DCHS2: variants seen among roughly 807,000 people sequenced by gnomAD.
The protein encoded by DCHS2 is dachsous cadherin-related 2, also known as protocadherin-23.
A neutral mutation model predicts 182.4 loss-of-function variants in DCHS2; 142 were observed. The observed-to-expected ratio is 0.78, with a 90% CI of 0.68 to 0.89. The LOEUF is 0.89. Among genes scored for constraint, DCHS2 ranks in the 40% least tolerant of loss-of-function variants. The pLI, the probability that DCHS2 is intolerant of heterozygous loss-of-function variation, is 0.00. For synonymous variants in DCHS2, 1,740 were observed against 1,663.3 expected (o/e 1.05, Z -1.12); for missense variants, 4,319 against 4,198.6 (o/e 1.03, Z -0.79).
At chr4:154,333,718 G>T in intron 4 of DCHS2, 3 of 559,674 alleles carry the variant, frequency 5.4e-6, no homozygotes, top group Non-Finnish European at 9.5e-6. Context: ...ACTGCCTACA[G>T]TATTAAGTGC....
At chr4:154,319,612 A>T (rs1385631634) in intron 9 of DCHS2, among the ~76,000 whole-genome samples, 2 of 151,452 alleles carry the variant, frequency 1.3e-5, no homozygotes, top group African/African-American at 4.8e-5. Context: ...TGCAAATCAA[A>T]ACCACAACGA....
At chr4:154,367,543 T>C (rs1322713281) in intron 2 of DCHS2, among the ~76,000 whole-genome samples, 1 of 152,160 alleles carries the variant, frequency 6.6e-6, no homozygotes, top group African/African-American at 2.4e-5. Context: ...GCAAATGAAA[T>C]AGAAGAAAAT....
chr4:154,389,903 G>A lies in DCHS2; in HGVS notation c.2053-12459C>T, dbSNP rs145154932. 7.8e-3 allele frequency among the ~76,000 whole-genome samples: 1,180 copies of A among 151,994 alleles called. 12 individuals carry two copies. Among genetic ancestry groups the A allele is most frequent in the Middle Eastern group, 0.017 (5 of 294 alleles). ...TCTACCAAACACCCTGTTTCAATAAGGCCTTGTCTGCCCTCACAGGTAAGA... is the reference window on the plus strand; with the variant it reads ...TCTACCAAACACCCTGTTTCAATAAAGCCTTGTCTGCCCTCACAGGTAAGA... On this transcript the variant is annotated intron_variant, in intron 1 of 19. Coordinates refer to ENST00000357232, the MANE Select transcript of DCHS2 (RefSeq NM_001358235.2).
chr4:154,388,563 C>T (rs537333498), intron 1 of DCHS2, among the ~76,000 whole-genome samples: 29 of 146,208 alleles, frequency 2.0e-4, no homozygotes, highest in African/African-American at 5.9e-4. Flanking sequence ...GGTGCGATCT[C>T]GGCTGACTGC....
chr4:154,292,526 CT>C (rs1233868299), intron 13 of DCHS2, among the ~76,000 whole-genome samples: 2 of 152,212 alleles, frequency 1.3e-5, no homozygotes, highest in African/African-American at 4.8e-5. Flanking sequence ...CTGCTGGTAT[CT>C]ATTCTTGGCC....
chr4:154,358,579 G>A (rs1168171059), intron 3 of DCHS2, among the ~76,000 whole-genome samples: 2 of 152,112 alleles, frequency 1.3e-5, no homozygotes, highest in Non-Finnish European at 2.9e-5. Context: ...GCAAATGTTA[G>A]GCATGGACAT....
intron 19 of DCHS2, 29 bp downstream of exon 19, chr4:154,239,141 G>T: frequency 6.3e-7 from 1 of 1,596,856 alleles, no homozygotes; most frequent in South Asian, 1.1e-5. Flanking sequence ...CCAAACCTAT[G>T]AGCATTAATG....
chr4:154,413,372 C>T (rs76144752), intron 1 of DCHS2, among the ~76,000 whole-genome samples: 3,122 of 152,264 alleles, frequency 0.021, 113 homozygotes, highest in African/African-American at 0.072. Context: ...ATATCCAGTT[C>T]TATATTGCTA....
At chr4:154,313,759 A>T (rs1735754668) in intron 10 of DCHS2, among the ~76,000 whole-genome samples, 1 of 152,234 alleles carries the variant, frequency 6.6e-6, no homozygotes, top group Non-Finnish European at 1.5e-5. Flanking sequence ...ATTTCCAGTA[A>T]ATCAAAATTG....
At chr4:154,413,820 A>G (rs1732722873) in intron 1 of DCHS2, among the ~76,000 whole-genome samples, 1 of 152,134 alleles carries the variant, frequency 6.6e-6, no homozygotes, top group Non-Finnish European at 1.5e-5. Flanking sequence ...ACTAACCCCA[A>G]AGCACTGCAT....
chr4:154,375,040 G>A (rs1730824180), intron 2 of DCHS2, among the ~76,000 whole-genome samples: 2 of 152,118 alleles, frequency 1.3e-5, no homozygotes, highest in South Asian at 4.1e-4. Context: ...CATGACCTAT[G>A]ATAAAGCTAA....
Position 154,231,828 on chromosome 4 carries a change from G to A in DCHS2, c.*2708C>T, listed in dbSNP as rs1227474273. 6.6e-6 allele frequency: 1 copy of A among 152,062 alleles called. No homozygotes were observed. Among genetic ancestry groups the A allele is most frequent in the Non-Finnish European group, 1.5e-5 (1 of 67,988 alleles). The allele number at this position is 152,062 out of a possible 1,614,324, so 9.4% of individuals were successfully genotyped here. ...ACATGGAGGCAGCCAGTAATGTAGAGTGCATTTTAATAATTTTTAAAAGAG... is the reference window on the plus strand; with the variant it reads ...ACATGGAGGCAGCCAGTAATGTAGAATGCATTTTAATAATTTTTAAAAGAG... On this transcript the variant is annotated 3_prime_UTR_variant, in exon 20 of 20. Transcript: ENST00000357232.
intron 1 of DCHS2, among the ~76,000 whole-genome samples, chr4:154,393,574 A>C (rs1731800365): frequency 6.6e-6 from 1 of 152,206 alleles, no homozygotes; most frequent in Non-Finnish European, 1.5e-5. Flanking sequence ...TATGTCCAAA[A>C]GGTACTTTTA....
At chr4:154,267,278 A>C (rs1252265805) in intron 14 of DCHS2, among the ~76,000 whole-genome samples, 1 of 152,224 alleles carries the variant, frequency 6.6e-6, no homozygotes. Flanking sequence ...GACCTTGATA[A>C]ACCAAATGAT....
intron 1 of DCHS2, among the ~76,000 whole-genome samples, chr4:154,402,358 C>A (rs1424739168): frequency 6.6e-6 from 1 of 152,098 alleles, no homozygotes; most frequent in Non-Finnish European, 1.5e-5. Flanking sequence ...TGTCCTAGAT[C>A]CACTATATTA....
At chr4:154,445,841 A>G (rs914373244) in intron 1 of DCHS2, among the ~76,000 whole-genome samples, 3 of 151,638 alleles carry the variant, frequency 2.0e-5, no homozygotes, top group Non-Finnish European at 4.4e-5. Flanking sequence ...GAAAGAAAGT[A>G]TAGGCCACCT....
At chr4:154,476,125 A>T (rs1735670914) in intron 1 of DCHS2, among the ~76,000 whole-genome samples, 1 of 152,254 alleles carries the variant, frequency 6.6e-6, no homozygotes, top group African/African-American at 2.4e-5. Context: ...TAAACTAAAA[A>T]GTTAAAATAT....
chr4:154,466,631 G>A (rs564591932), intron 1 of DCHS2, among the ~76,000 whole-genome samples: 13 of 152,254 alleles, frequency 8.5e-5, no homozygotes, highest in South Asian at 4.1e-4. Context: ...TGATCTATTC[G>A]AATGCTAAGT....
intron 1 of DCHS2, among the ~76,000 whole-genome samples, chr4:154,439,812 C>A (rs185543594): frequency 3.8e-4 from 58 of 152,086 alleles, no homozygotes; most frequent in Non-Finnish European, 1.3e-4. Context: ...TAGTTATGAC[C>A]ACAAACAATA....
Sources: gnomAD v4.1 joint callset for allele counts (sites outside exome capture counted in the v4.1 genomes callset) on GRCh38, gnomAD v4.1.1 for gene constraint, MANE v1.5 for transcripts, NCBI Gene and HGNC (gene_info 2026-07-23, HGNC 2026-07-21) for gene names.